Variants in MPPED2 observed in about 807,000 individuals in gnomAD.
MPPED2 encodes metallophosphoesterase MPPED2.
A neutral mutation model predicts 33.0 loss-of-function variants in MPPED2; 5 were observed. That is an observed-to-expected ratio of 0.15 (90% CI 0.08 to 0.32). The LOEUF is 0.32. Ranked by LOEUF, MPPED2 falls within the 10% of genes least tolerant of loss-of-function variation. The probability of loss-of-function intolerance (pLI) is 1.00; values close to 1 mark genes in which losing one functional copy is unlikely to be tolerated. For synonymous variants in MPPED2, 136 were observed against 141.9 expected (o/e 0.96, Z 0.29); for missense variants, 275 against 372.1 (o/e 0.74, Z 2.15).
chr11:30,558,315 C>CTA lies in MPPED2; in HGVS notation c.128+21929_128+21930dup, dbSNP rs1469006139. Among the ~76,000 whole-genome samples, 10 of 152,178 alleles carry CTA rather than the reference C, an allele frequency of 6.6e-5. No individual in the cohort carries two copies. The East Asian group carries it at 1.9e-3, about 29-fold the overall frequency. Reference sequence around the variant, plus strand: ...CTATATCTTTCTCTTTCCTCAAAAGCTATAGTTCAGCTATTCCCAGGTAAG... The same window carrying CTA: ...CTATATCTTTCTCTTTCCTCAAAAGCTATATAGTTCAGCTATTCCCAGGTAAG... On this transcript the variant is annotated intron_variant, in intron 2 of 6. Transcript: ENST00000358117.
intron 3 of MPPED2, among the ~76,000 whole-genome samples, chr11:30,532,418 T>G (rs1954579864): frequency 6.6e-6 from 1 of 152,194 alleles, no homozygotes; most frequent in African/African-American, 2.4e-5. Context: ...CTTTACACTC[T>G]GGATCCCTCT....
At chr11:30,574,370 A>C (rs183504968) in intron 2 of MPPED2, among the ~76,000 whole-genome samples, 2 of 152,348 alleles carry the variant, frequency 1.3e-5, no homozygotes, top group East Asian at 3.9e-4. Context: ...TAGGAGCAAT[A>C]GGCTATACCA....
intron 4 of MPPED2, among the ~76,000 whole-genome samples, chr11:30,451,344 C>G (rs940946216): frequency 6.6e-5 from 10 of 152,308 alleles, no homozygotes; most frequent in African/African-American, 2.4e-4. Context: ...GTCTAAGGAC[C>G]TTGGCTGTCA....
At chr11:30,542,446 T>C (rs1238853176) in intron 2 of MPPED2, among the ~76,000 whole-genome samples, 1 of 106,368 alleles carries the variant, frequency 9.4e-6, no homozygotes, top group Non-Finnish European at 1.8e-5. Flanking sequence ...AGACCCCATC[T>C]CAACCAAAAG....
intron 3 of MPPED2, among the ~76,000 whole-genome samples, chr11:30,519,795 CACCACT>C (rs1422023268): frequency 1.3e-5 from 2 of 152,048 alleles, no homozygotes; most frequent in African/African-American, 4.8e-5. Flanking sequence ...TCACCATCAC[CACCACT>C]AACATTATTA....
At chr11:30,577,950 G>T (rs976583818) in intron 2 of MPPED2, among the ~76,000 whole-genome samples, 5 of 152,144 alleles carry the variant, frequency 3.3e-5, no homozygotes, top group Non-Finnish European at 7.4e-5. Context: ...CTTTCTTTAA[G>T]AAGTAAAAAA....
rs574105265 is a variant in MPPED2, at chr11:30,531,908, G to A, written c.310+4086C>T. ...TTCGAAGAACCATGGTTTTACCCAG[G>A]ATGTAGTTCCTCCAACAGATTTCAA... On this transcript the variant is annotated intron_variant, in intron 3 of 6. Transcript: ENST00000358117. Among the ~76,000 whole-genome samples the A allele has an allele frequency of 6.6e-5, 10 of 152,320 alleles. No homozygotes were observed. In the South Asian group the frequency reaches 1.0e-3, roughly 16 times the overall value.
intron 3 of MPPED2, among the ~76,000 whole-genome samples, chr11:30,527,885 C>G (rs1447772473): frequency 6.6e-6 from 1 of 152,186 alleles, no homozygotes; most frequent in African/African-American, 2.4e-5. Context: ...ACAGCATGCT[C>G]GGAAAATGTC....
chr11:30,584,616 G>T (rs1590956066), intron 1 of MPPED2: 1 of 152,176 alleles, frequency 6.6e-6, no homozygotes, highest in African/African-American at 2.4e-5. Flanking sequence ...GATGACCACC[G>T]GCGGCCAATG....
In MPPED2 at chr11:30,410,519, T is replaced by C. The variant is rs1948065874; in HGVS notation, c.*949A>G. The C allele has an allele frequency of 7.1e-6, 7 of 985,750 alleles. No individual in the cohort carries two copies. Among genetic ancestry groups the C allele is most frequent in the Non-Finnish European group, 8.4e-6 (7 of 829,924 alleles). The allele number at this position is 985,750 out of a possible 1,614,324, so 61.1% of individuals were successfully genotyped here. A position where few individuals can be genotyped will look rare whatever the true frequency, so the allele number is the denominator to read the frequency against. On this transcript the variant is annotated 3_prime_UTR_variant, in exon 7 of 7. Transcript: ENST00000358117. Reference sequence around the variant, plus strand: ...AAGCCTTATTTTAGTTAGCTTCCATTGCATCCATTTAAGTCTATACATGCC... The same window carrying C: ...AAGCCTTATTTTAGTTAGCTTCCATCGCATCCATTTAAGTCTATACATGCC...
intron 3 of MPPED2, among the ~76,000 whole-genome samples, chr11:30,510,311 T>A (rs766708857): frequency 6.6e-6 from 1 of 152,228 alleles, no homozygotes; most frequent in Non-Finnish European, 1.5e-5. Flanking sequence ...GCTACTGTTC[T>A]TCCAAGCTTT....
At chr11:30,496,807 G>A (rs1167945852) in intron 3 of MPPED2, among the ~76,000 whole-genome samples, 1 of 152,146 alleles carries the variant, frequency 6.6e-6, no homozygotes, top group Admixed American at 6.5e-5. Context: ...AGTCCACACA[G>A]TCTCAGCAGC....
At chr11:30,389,639 C>G (rs1195070259) in intron 6 of MPPED2, among the ~76,000 whole-genome samples, 1 of 152,188 alleles carries the variant, frequency 6.6e-6, no homozygotes, top group Non-Finnish European at 1.5e-5. Context: ...ATTTACATAT[C>G]CTATCATACA....
chr11:30,504,669 T>G (rs1189546260), intron 3 of MPPED2: 12 of 783,538 alleles, frequency 1.5e-5, no homozygotes, highest in African/African-American at 3.6e-5. Flanking sequence ...GTCTCTGACC[T>G]CAGTCTGTCC....
chr11:30,448,573 G>A lies in MPPED2; in HGVS notation c.537-30940C>T, dbSNP rs1215835302. 2.6e-5 allele frequency among the ~76,000 whole-genome samples: 4 copies of A among 152,144 alleles called. No homozygotes were observed. The East Asian group carries it at 7.7e-4, about 29-fold the overall frequency. ...GCTATAAGTCTATTTTGACCTACAA[G>A]GAAATGGGCTTTTTATGATAACTTT... On this transcript the variant is annotated intron_variant, in intron 4 of 6. Transcript: ENST00000358117.
At chr11:30,384,856 C>T (rs1411611154) in exon 7 of MPPED2, 2 of 152,166 alleles carry the variant, frequency 1.3e-5, no homozygotes, top group Non-Finnish European at 2.9e-5. Context: ...GATTGCATTG[C>T]TAGTTAGAAG....
At chr11:30,424,466 C>T (rs1948745079) in intron 4 of MPPED2, among the ~76,000 whole-genome samples, 1 of 152,206 alleles carries the variant, frequency 6.6e-6, no homozygotes, top group African/African-American at 2.4e-5. Context: ...AATTTAACCA[C>T]CGCTGGTTAA....
Position 30,497,612 on chromosome 11 carries a change from G to C in MPPED2, c.311-2091C>G, listed in dbSNP as rs898731777. ...AGCCTGGGTTTCTCAATTTATCCTCGTTTTAGGGCTCGGGTTCAGGGACAG... is the reference window on the plus strand; with the variant it reads ...AGCCTGGGTTTCTCAATTTATCCTCCTTTTAGGGCTCGGGTTCAGGGACAG... On this transcript the variant is annotated intron_variant, in intron 3 of 6. Transcript: ENST00000358117. Among the ~76,000 whole-genome samples the C allele has an allele frequency of 9.9e-5, 15 of 152,198 alleles. 1 individual carries two copies. The Middle Eastern group carries it at 0.024, about 242-fold the overall frequency.
At chr11:30,468,464 T>C (rs1480946570) in intron 4 of MPPED2, among the ~76,000 whole-genome samples, 1 of 152,132 alleles carries the variant, frequency 6.6e-6, no homozygotes, top group Non-Finnish European at 1.5e-5. Context: ...GTTTACAAAC[T>C]TTGATAACTT....
Sources: allele counts gnomAD v4.1 joint callset (sites outside exome capture counted in the v4.1 genomes callset), GRCh38; gene constraint gnomAD v4.1.1; transcripts MANE v1.5; gene names NCBI Gene and HGNC (gene_info 2026-07-23, HGNC 2026-07-21).